Variants in PRKCE observed in about 807,000 individuals in gnomAD.
PRKCE encodes protein kinase C epsilon.
Under a neutral mutation model 85.4 loss-of-function variants are expected in PRKCE, and 16 were observed. The ratio of observed to expected loss-of-function variants is 0.19; its 90% CI spans 0.13 to 0.28. The LOEUF is 0.28. Among genes scored for constraint, PRKCE ranks in the 10% least tolerant of loss-of-function variants. PRKCE has a pLI of 1.00. For synonymous variants in PRKCE, 388 were observed against 371.5 expected (o/e 1.04, Z -0.51); for missense variants, 573 against 975.2 (o/e 0.59, Z 5.49).
intron 11 of PRKCE, among the ~76,000 whole-genome samples, chr2:46,104,475 T>G (rs988288957): frequency 2.6e-5 from 4 of 152,090 alleles, no homozygotes; most frequent in Non-Finnish European, 4.4e-5. Flanking sequence ...TCTTCAGTGA[T>G]GTAACCCTTC....
At chr2:45,695,491 G>T (rs1049896118) in intron 1 of PRKCE, among the ~76,000 whole-genome samples, 22 of 152,168 alleles carry the variant, frequency 1.4e-4, no homozygotes, top group Admixed American at 1.0e-3. Context: ...ATGTATAATA[G>T]GCTGGGCATG....
intron 1 of PRKCE, among the ~76,000 whole-genome samples, chr2:45,776,398 A>G (rs1685751335): frequency 6.6e-6 from 1 of 152,116 alleles, no homozygotes. Flanking sequence ...ACTTGAGAGG[A>G]ACTGAAATTG....
At chr2:45,936,672 C>G (rs60267068) in intron 2 of PRKCE, among the ~76,000 whole-genome samples, 1 of 152,340 alleles carries the variant, frequency 6.6e-6, no homozygotes, top group South Asian at 2.1e-4. Flanking sequence ...CCCTGCAGCC[C>G]TCTTTTTGCG....
At chr2:45,926,419 C>T (rs75666421) in intron 2 of PRKCE, among the ~76,000 whole-genome samples, 164 of 152,090 alleles carry the variant, frequency 1.1e-3, no homozygotes, top group African/African-American at 3.8e-3. Context: ...TTAGGTGAGT[C>T]CCCCCCATCC....
intron 10 of PRKCE, among the ~76,000 whole-genome samples, chr2:46,030,425 G>A (rs780607821): frequency 1.3e-5 from 2 of 152,266 alleles, no homozygotes; most frequent in East Asian, 1.9e-4. Context: ...GTAGTGGGGC[G>A]GTCCCAAATA....
chr2:46,085,759 T>C (rs1430583058), intron 10 of PRKCE, among the ~76,000 whole-genome samples: 2 of 134,862 alleles, frequency 1.5e-5, no homozygotes, highest in Admixed American at 7.2e-5. Flanking sequence ...GTTTTTGTTT[T>C]TTTTTTTTTT....
At position 45,949,354 on chromosome 2, in the gene PRKCE, A is replaced by G. The variant is rs190181934; in HGVS notation, c.413-27075A>G. ...TTGTATTGCCCTGATTACCTTTAAA[A>G]TATTCTTTTAGGACTATTGGCCGAT... On this transcript the variant is annotated intron_variant, in intron 2 of 14. Coordinates refer to ENST00000306156, the MANE Select transcript of PRKCE (RefSeq NM_005400.3). Among the ~76,000 whole-genome samples, 431 of 147,358 alleles carry G rather than the reference A, an allele frequency of 2.9e-3. 3 individuals are homozygous for G. Among genetic ancestry groups the G allele is most frequent in the Middle Eastern group, 0.011 (3 of 280 alleles).
At chr2:46,094,501 G>A (rs536104997) in intron 11 of PRKCE, among the ~76,000 whole-genome samples, 4 of 152,134 alleles carry the variant, frequency 2.6e-5, no homozygotes, top group Non-Finnish European at 5.9e-5. Flanking sequence ...GCTGGAAGCC[G>A]TTATCCTCAG....
At chr2:45,753,327 G>A (rs1683737803) in intron 1 of PRKCE, among the ~76,000 whole-genome samples, 1 of 152,182 alleles carries the variant, frequency 6.6e-6, no homozygotes, top group African/African-American at 2.4e-5. Context: ...CACCTGCTGG[G>A]CCAGGAGCCA....
At chr2:45,847,371 C>A (rs1265946132) in intron 2 of PRKCE, among the ~76,000 whole-genome samples, 1 of 152,208 alleles carries the variant, frequency 6.6e-6, no homozygotes, top group African/African-American at 2.4e-5. Context: ...TTTTCAATAT[C>A]TCTTTTTTCA....
At chr2:45,873,369 G>T (rs960107942) in intron 2 of PRKCE, among the ~76,000 whole-genome samples, 73 of 152,018 alleles carry the variant, frequency 4.8e-4, no homozygotes, top group Admixed American at 4.7e-3. Context: ...GAAAAGTCTG[G>T]GTGTTGTTGA....
At position 46,083,909 on chromosome 2, in the gene PRKCE, A is replaced by G. The variant is rs752594780; in HGVS notation, c.1438-2299A>G. On this transcript the variant is annotated intron_variant, in intron 10 of 14. Coordinates refer to ENST00000306156, the MANE Select transcript of PRKCE (RefSeq NM_005400.3). ...TGCAAGATACCTAGGCAGAAACCAG[A>G]TGGAGGAGAGTCAGTGCTTCTCAAC... is the stretch of plus-strand genomic sequence containing the variant. Among the ~76,000 whole-genome samples, 17 of 152,360 alleles carry G rather than the reference A, an allele frequency of 1.1e-4. No individual in the cohort carries two copies. In the Middle Eastern group the frequency reaches 0.01, roughly 91 times the overall value.
At chr2:45,955,521 T>A (rs1316973460) in intron 2 of PRKCE, among the ~76,000 whole-genome samples, 3 of 152,200 alleles carry the variant, frequency 2.0e-5, no homozygotes, top group Admixed American at 6.5e-5. Context: ...TTATAGGCTA[T>A]TTACATGCTC....
At chr2:45,969,444 G>A (rs1262154369) in intron 2 of PRKCE, among the ~76,000 whole-genome samples, 1 of 152,238 alleles carries the variant, frequency 6.6e-6, no homozygotes, top group Non-Finnish European at 1.5e-5. Flanking sequence ...GCACGGCTGA[G>A]TGCATCCAGT....
chr2:46,159,809 A>G lies in PRKCE; in HGVS notation c.2067+57A>G. ...TGGGTCGGGCCCAGGTACTTGCAGGACAGGCTGCGTGCACCCAGGAAGAGT... is the reference window on the plus strand; with the variant it reads ...TGGGTCGGGCCCAGGTACTTGCAGGGCAGGCTGCGTGCACCCAGGAAGAGT... On this transcript the variant is annotated intron_variant, in intron 14 of 14. Coordinates refer to ENST00000306156, the MANE Select transcript of PRKCE (RefSeq NM_005400.3). This position sits in a 1 kb window ranked among gnomAD's most constrained non-coding sequence, Gnocchi z 4.1. The G allele has an allele frequency of 6.3e-7, 1 of 1,588,406 alleles. No homozygotes were observed. Among genetic ancestry groups the G allele is most frequent in the East Asian group, 2.2e-5 (1 of 44,540 alleles).
At chr2:46,071,578 A>G (rs1326624965) in intron 10 of PRKCE, among the ~76,000 whole-genome samples, 2 of 152,200 alleles carry the variant, frequency 1.3e-5, no homozygotes, top group South Asian at 2.1e-4. Flanking sequence ...TACCACACCA[A>G]TGAGAATGAA....
chr2:45,764,809 C>G (rs534152633), intron 1 of PRKCE, among the ~76,000 whole-genome samples: 1 of 152,210 alleles, frequency 6.6e-6, no homozygotes, highest in Non-Finnish European at 1.5e-5. Flanking sequence ...ATGAATTAGA[C>G]TATATATATA....
At chr2:45,653,865 A>G (rs895550064) in intron 1 of PRKCE, among the ~76,000 whole-genome samples, 1 of 152,186 alleles carries the variant, frequency 6.6e-6, no homozygotes, top group Admixed American at 6.5e-5. Context: ...ATGCCATTCT[A>G]TTCTACTTCA....
intron 2 of PRKCE, among the ~76,000 whole-genome samples, chr2:45,910,043 G>A (rs528652469): frequency 3.4e-5 from 5 of 147,844 alleles, no homozygotes; most frequent in Non-Finnish European, 5.9e-5. Context: ...TAAACTCACC[G>A]CCCCCCCCCA....
Sources: allele counts gnomAD v4.1 joint callset (sites outside exome capture counted in the v4.1 genomes callset), GRCh38; gene constraint gnomAD v4.1.1; non-coding constraint Gnocchi (gnomAD v3.1); transcripts MANE v1.5; gene names NCBI Gene and HGNC (gene_info 2026-07-23, HGNC 2026-07-21).